The following RANBP2 variants were observed in gnomAD, a reference collection of about 807,000 sequenced individuals.
RANBP2 encodes E3 SUMO-protein ligase RanBP2.
Under a neutral mutation model 303.6 loss-of-function variants are expected in RANBP2, and 57 were observed. The observed-to-expected ratio is 0.19, with a 90% CI of 0.15 to 0.23. RANBP2 has a LOEUF of 0.23. Ranked by LOEUF, RANBP2 falls within the 10% of genes least tolerant of loss-of-function variation. The pLI is 1.00. For synonymous variants in RANBP2, 1,167 were observed against 1,301.5 expected, an observed-to-expected ratio of 0.90 and a Z score of 2.23; for missense variants, 3,138 against 3,780.8, an observed-to-expected ratio of 0.83 and a Z score of 4.46.
chr2:108,868,060 A>T, the RANBP2 span, among the ~76,000 whole-genome samples: 23 of 152,248 alleles, frequency 1.5e-4, no homozygotes, highest in Non-Finnish European at 3.2e-4. Context: ...GATGACTAAC[A>T]TGTGGACATA....
chr2:108,848,088 C>T, the RANBP2 span, among the ~76,000 whole-genome samples: 6 of 152,022 alleles, frequency 3.9e-5, no homozygotes, highest in African/African-American at 7.2e-5. Context: ...CATAGATTCA[C>T]TAAAGATCAA....
the RANBP2 span, among the ~76,000 whole-genome samples, chr2:108,980,093 T>G: frequency 1.3e-4 from 4 of 30,044 alleles, no homozygotes; most frequent in African/African-American, 5.5e-4. Flanking sequence ...AAATGAATGG[T>G]GTGGGGTGGG....
chr2:109,471,634 G>A, the RANBP2 span, among the ~76,000 whole-genome samples: 1 of 152,206 alleles, frequency 6.6e-6, no homozygotes, highest in South Asian at 2.1e-4. Flanking sequence ...TTCCATGGGT[G>A]AGGAGGTTGC....
chr2:109,205,295 A>T, the RANBP2 span, among the ~76,000 whole-genome samples: 1 of 148,656 alleles, frequency 6.7e-6, no homozygotes, highest in Non-Finnish European at 1.5e-5. Flanking sequence ...GAGTCTTGCC[A>T]TGTCGTCCAG....
chr2:109,032,861 C>T, the RANBP2 span, among the ~76,000 whole-genome samples: 1 of 152,180 alleles, frequency 6.6e-6, no homozygotes, highest in Non-Finnish European at 1.5e-5. Flanking sequence ...ATTCTGTGGG[C>T]CTAACAGAGA....
chr2:108,964,029 G>A, the RANBP2 span, among the ~76,000 whole-genome samples: 2 of 152,168 alleles, frequency 1.3e-5, no homozygotes, highest in African/African-American at 4.8e-5. Context: ...TGTGGCTGCT[G>A]AGCCTGAACT....
chr2:108,753,696 G>A, intron 14 of RANBP2, 129 bp from the exon 15 acceptor site: 1 of 1,579,074 alleles, frequency 6.3e-7, no homozygotes, highest in Non-Finnish European at 8.6e-7. Context: ...CTGCTTCCCA[G>A]GCTCAAGCGA....
chr2:108,749,921 AGGCAGATCACCT>A (rs896112344), intron 9 of RANBP2, among the ~76,000 whole-genome samples: 6 of 152,100 alleles, frequency 3.9e-5, no homozygotes, highest in Admixed American at 2.0e-4. Context: ...AGGCCGAGGC[AGGCAGATCACCT>A]GAGATCAGGA....
At chr2:108,804,410 T>A in the RANBP2 span, among the ~76,000 whole-genome samples, 1 of 152,208 alleles carries the variant, frequency 6.6e-6, no homozygotes, top group Non-Finnish European at 1.5e-5. Context: ...AAAGCAGGCA[T>A]CAAAAATTTT....
At chr2:109,589,405 G>A in the RANBP2 span, among the ~76,000 whole-genome samples, 1 of 152,044 alleles carries the variant, frequency 6.6e-6, no homozygotes, top group African/African-American at 2.4e-5. Flanking sequence ...GGTGGTGCAT[G>A]CCTGTAGTCC....
At chr2:109,439,291 T>C in the RANBP2 span, among the ~76,000 whole-genome samples, 1 of 152,098 alleles carries the variant, frequency 6.6e-6, no homozygotes, top group Non-Finnish European at 1.5e-5. Flanking sequence ...GGCTCCCCAG[T>C]GCATCCCAGC....
chr2:109,512,138 G>C, the RANBP2 span, among the ~76,000 whole-genome samples: 28 of 152,266 alleles, frequency 1.8e-4, no homozygotes, highest in African/African-American at 6.0e-4. Flanking sequence ...TAGGGGGCTT[G>C]TCCGCCCTCC....
At chr2:109,466,372 G>A in the RANBP2 span, among the ~76,000 whole-genome samples, 1 of 152,078 alleles carries the variant, frequency 6.6e-6, no homozygotes, top group South Asian at 2.1e-4. Context: ...TGAGTCCTGC[G>A]CCCAGCCTGT....
chr2:109,324,894 G>C, the RANBP2 span, among the ~76,000 whole-genome samples: 2 of 152,214 alleles, frequency 1.3e-5, no homozygotes, highest in South Asian at 4.1e-4. Context: ...AAGGAACGGT[G>C]GAGCTGTCGC....
chr2:109,436,712 G>C, the RANBP2 span, among the ~76,000 whole-genome samples: 1 of 152,234 alleles, frequency 6.6e-6, no homozygotes, highest in Non-Finnish European at 1.5e-5. Context: ...TGCACCCCAT[G>C]AAGGTTTTGT....
the RANBP2 span, among the ~76,000 whole-genome samples, chr2:108,934,890 C>T: frequency 1.3e-5 from 2 of 152,218 alleles, no homozygotes; most frequent in African/African-American, 4.8e-5. Context: ...GTGGAAATGT[C>T]TCTTCCCACC....
chr2:109,043,975 C>G, the RANBP2 span, among the ~76,000 whole-genome samples: 1 of 152,118 alleles, frequency 6.6e-6, no homozygotes, highest in Non-Finnish European at 1.5e-5. Context: ...TGAGGCCAGG[C>G]TGGCGTGGAT....
the RANBP2 span, among the ~76,000 whole-genome samples, chr2:109,312,992 C>CAT: frequency 1.3e-5 from 2 of 151,904 alleles, no homozygotes; most frequent in Admixed American, 1.3e-4. Context: ...TACAGTAATG[C>CAT]GGAAGAAGGG....
At chr2:109,658,848 C>T in the RANBP2 span, among the ~76,000 whole-genome samples, 6 of 152,202 alleles carry the variant, frequency 3.9e-5, no homozygotes, top group East Asian at 7.7e-4. Flanking sequence ...GGGTGGATCA[C>T]GAGGTCAGGA....
Sources: allele counts gnomAD v4.1 joint callset (sites outside exome capture counted in the v4.1 genomes callset), GRCh38; gene constraint gnomAD v4.1.1; transcripts MANE v1.5; gene names NCBI Gene and HGNC (gene_info 2026-07-23, HGNC 2026-07-21).